GSE1: variants seen among roughly 807,000 people sequenced by gnomAD.
GSE1 encodes the protein genetic suppressor element 1.
A neutral mutation model predicts 112.6 loss-of-function variants in GSE1; 32 were observed. The observed-to-expected ratio is 0.28, with a 90% CI of 0.21 to 0.38. The LOEUF is 0.38. Ranked by LOEUF, GSE1 falls within the 10% of genes least tolerant of loss-of-function variation. The pLI, the probability that GSE1 is intolerant of heterozygous loss-of-function variation, is 1.00. For synonymous variants in GSE1, 1,115 were observed against 735.6 expected, an observed-to-expected ratio of 1.52 and a Z score of -8.35; for missense variants, 2,348 against 1,699.2, an observed-to-expected ratio of 1.38 and a Z score of -6.71.
At chr16:85,221,889 G>C (rs2075400053) in intron 1 of GSE1, among the ~76,000 whole-genome samples, 1 of 152,174 alleles carries the variant, frequency 6.6e-6, no homozygotes. Context: ...CTCTGATGGA[G>C]AGGCCAGCTC....
intron 1 of GSE1, chr16:85,583,567 ACT>A (rs2151392685): frequency 6.6e-6 from 1 of 151,272 alleles, no homozygotes; most frequent in Non-Finnish European, 1.5e-5. Flanking sequence ...ACACGCAGGA[ACT>A]CACACATGCT....
intron 1 of GSE1, among the ~76,000 whole-genome samples, chr16:85,616,236 C>G (rs2048364436): frequency 6.6e-6 from 1 of 152,258 alleles, no homozygotes; most frequent in Non-Finnish European, 1.5e-5. Flanking sequence ...TCTGTCCTCC[C>G]CTGCTCTGAA....
chr16:85,194,091 C>T (rs984923381), intron 1 of GSE1, among the ~76,000 whole-genome samples: 2 of 152,128 alleles, frequency 1.3e-5, no homozygotes, highest in East Asian at 1.9e-4. Flanking sequence ...TGGCAGAGCT[C>T]GACTCTGACT....
chr16:85,632,159 G>GCC (rs888118704), intron 1 of GSE1, among the ~76,000 whole-genome samples: 3 of 152,180 alleles, frequency 2.0e-5, no homozygotes, highest in Non-Finnish European at 4.4e-5. Context: ...TCCACCCCTG[G>GCC]CCCCTCCAGA....
chr16:85,180,655 C>G (rs1008004272), intron 1 of GSE1, among the ~76,000 whole-genome samples: 2 of 152,168 alleles, frequency 1.3e-5, no homozygotes, highest in Non-Finnish European at 2.9e-5. Context: ...AAGTCACTTG[C>G]CCAAAGTCAC....
intron 2 of GSE1, among the ~76,000 whole-genome samples, chr16:85,492,750 G>A (rs1432104712): frequency 7.6e-6 from 1 of 131,870 alleles, no homozygotes; most frequent in Non-Finnish European, 1.6e-5. Flanking sequence ...GTCCCTGGGG[G>A]ATTCTGACAC....
At chr16:85,390,827 A>G (rs2047823623) in intron 2 of GSE1, among the ~76,000 whole-genome samples, 1 of 151,772 alleles carries the variant, frequency 6.6e-6, no homozygotes, top group African/African-American at 2.4e-5. Flanking sequence ...CTGTCTCCTT[A>G]AGCAAAGGTT....
At chr16:85,429,335 G>A (rs1256250939) in intron 2 of GSE1, among the ~76,000 whole-genome samples, 1 of 152,258 alleles carries the variant, frequency 6.6e-6, no homozygotes, top group Non-Finnish European at 1.5e-5. Flanking sequence ...GGAGCTCCCC[G>A]CAGGGTCTTC....
chr16:85,608,651 G>C (rs2047821778), upstream of GSE1, among the ~76,000 whole-genome samples: 1 of 152,206 alleles, frequency 6.6e-6, no homozygotes, highest in Non-Finnish European at 1.5e-5. Flanking sequence ...GTGTGCCTGA[G>C]GCAGGCCAAT....
chr16:85,311,691 C>T lies in GSE1; in HGVS notation c.2284-45772C>T, dbSNP rs1046879230. Among the ~76,000 whole-genome samples, 1 of 152,082 alleles carries T rather than the reference C, an allele frequency of 6.6e-6. No individual in the cohort carries two copies. The highest frequency in any genetic ancestry group is 1.5e-5 in the Non-Finnish European group (1 of 67,990). On this transcript the variant is annotated intron_variant, in intron 1 of 2. Transcript: ENST00000637419. This position sits in a 1 kb window ranked among gnomAD's most constrained non-coding sequence, Gnocchi z 4.2. ...GCTCTGTCTGTGGCTCTCTTGGGGC[C>T]CTGGATACCTCCTGCCTGCTTCATT...
At chr16:85,484,257 G>A (rs138557944) in intron 2 of GSE1, among the ~76,000 whole-genome samples, 59 of 152,318 alleles carry the variant, frequency 3.9e-4, no homozygotes, top group Non-Finnish European at 7.1e-4. Flanking sequence ...TTTCTCCTCC[G>A]CGGGTCCCCT....
chr16:85,172,903 G>A (rs886655883), intron 1 of GSE1, among the ~76,000 whole-genome samples: 1 of 152,250 alleles, frequency 6.6e-6, no homozygotes, highest in African/African-American at 2.4e-5. Context: ...GCTCTGCCAT[G>A]ATTTGCCCAC....
chr16:85,388,076 G>GTGGATGGA (rs59285749), intron 2 of GSE1, among the ~76,000 whole-genome samples: 21 of 132,460 alleles, frequency 1.6e-4, no homozygotes, highest in African/African-American at 5.6e-4. Flanking sequence ...GGATGGGTGG[G>GTGGATGGA]TGGATGGATG....
At chr16:85,650,921 CGAGAGGAGAAAT>C (rs2051284471) in intron 3 of GSE1, among the ~76,000 whole-genome samples, 1 of 151,810 alleles carries the variant, frequency 6.6e-6, no homozygotes, top group African/African-American at 2.4e-5. Flanking sequence ...GTGGGAGCTG[CGAGAGGAGAAAT>C]GAGATGAAAA....
chr16:85,181,889 C>T (rs532969019), intron 1 of GSE1, among the ~76,000 whole-genome samples: 14 of 152,200 alleles, frequency 9.2e-5, no homozygotes, highest in African/African-American at 2.4e-4. Flanking sequence ...ACAGCTGCAG[C>T]GCCAGCTCTG....
intron 1 of GSE1, among the ~76,000 whole-genome samples, chr16:85,198,233 G>T (rs1418278216): frequency 6.6e-6 from 1 of 152,204 alleles, no homozygotes; most frequent in African/African-American, 2.4e-5. Context: ...CAACCATGGG[G>T]ACCAGGGCTC....
intron 1 of GSE1, among the ~76,000 whole-genome samples, chr16:85,618,754 C>G (rs921540636): frequency 5.3e-5 from 8 of 152,180 alleles, no homozygotes; most frequent in African/African-American, 1.7e-4. Flanking sequence ...AACTCCTGCG[C>G]TCAAGTGATC....
At chr16:85,180,075 C>T (rs189394384) in intron 1 of GSE1, among the ~76,000 whole-genome samples, 1 of 152,252 alleles carries the variant, frequency 6.6e-6, no homozygotes, top group Non-Finnish European at 1.5e-5. Context: ...GCTCTGTGAG[C>T]CCATGGCTCT....
intron 1 of GSE1, among the ~76,000 whole-genome samples, chr16:85,629,857 A>T (rs2049395293): frequency 6.6e-6 from 1 of 152,270 alleles, no homozygotes; most frequent in African/African-American, 2.4e-5. Context: ...GGTGATGCTG[A>T]CCGTATCAGT....
Sources: gnomAD v4.1 joint callset for allele counts (sites outside exome capture counted in the v4.1 genomes callset) on GRCh38, gnomAD v4.1.1 for gene constraint, Gnocchi (gnomAD v3.1) non-coding constraint, MANE v1.5 for transcripts, NCBI Gene and HGNC (gene_info 2026-07-23, HGNC 2026-07-21) for gene names.